The following ZNF461 variants were observed in gnomAD, a reference collection of about 807,000 sequenced individuals.
The protein encoded by ZNF461 is gonadotropin-inducible ovarian transcription factor-1.
Under a neutral mutation model 18.3 loss-of-function variants are expected in ZNF461, and 16 were observed. The observed-to-expected ratio is 0.88, with a 90% CI of 0.59 to 1.33. The LOEUF is 1.33. Among genes scored for constraint, ZNF461 ranks in the 40% most tolerant of loss-of-function variants. ZNF461 has a pLI of 0.00. For synonymous variants in ZNF461, 179 were observed against 216.9 expected, an observed-to-expected ratio of 0.83 and a Z score of 1.54; for missense variants, 595 against 669.9, an observed-to-expected ratio of 0.89 and a Z score of 1.23.
At chr19:36,654,607 A>G (rs1455524432) in intron 4 of ZNF461, among the ~76,000 whole-genome samples, 1 of 152,028 alleles carries the variant, frequency 6.6e-6, no homozygotes, top group Non-Finnish European at 1.5e-5. Flanking sequence ...CCTAGGCTCA[A>G]GCAATCCTTC....
intron 4 of ZNF461, chr19:36,645,335 C>T (rs1446992555): frequency 6.6e-6 from 1 of 151,946 alleles, no homozygotes; most frequent in Admixed American, 6.6e-5. Context: ...AAAGTATTTA[C>T]AACACAAGAA....
At chr19:36,643,117 T>C (rs967572720) in intron 5 of ZNF461, among the ~76,000 whole-genome samples, 5 of 152,084 alleles carry the variant, frequency 3.3e-5, no homozygotes, top group Non-Finnish European at 5.9e-5. Flanking sequence ...TACTTATTTA[T>C]GTACAGATAT....
Position 36,638,513 on chromosome 19 carries a change from C to T in ZNF461, c.*140G>A, listed in dbSNP as rs1249274154. Reference sequence around the variant, plus strand: ...AGCATTAAAATGAGACCAAAATTTACACTTTAGTTATCCACTTTCTCACTT... The same window carrying T: ...AGCATTAAAATGAGACCAAAATTTATACTTTAGTTATCCACTTTCTCACTT... On this transcript the variant is annotated 3_prime_UTR_variant, in exon 6 of 6. Coordinates refer to ENST00000588268, the MANE Select transcript of ZNF461 (RefSeq NM_153257.5). 6.2e-6 allele frequency: 4 copies of T among 645,842 alleles called. No homozygotes were observed. The highest frequency in any genetic ancestry group is 9.9e-6 in the Non-Finnish European group (4 of 405,878). The allele number at this position is 645,842 out of a possible 1,614,324, so 40.0% of individuals were successfully genotyped here. A position where few individuals can be genotyped will look rare whatever the true frequency, so the allele number is the denominator to read the frequency against.
chr19:36,656,123 G>A (rs1163337744), intron 4 of ZNF461, among the ~76,000 whole-genome samples: 4 of 149,382 alleles, frequency 2.7e-5, no homozygotes, highest in Non-Finnish European at 4.4e-5. Context: ...TCAGCCTCCC[G>A]AGTAGCTGGG....
At chr19:36,641,264 A>G (rs1283127947) in intron 5 of ZNF461, among the ~76,000 whole-genome samples, 1 of 152,134 alleles carries the variant, frequency 6.6e-6, no homozygotes, top group Non-Finnish European at 1.5e-5. Context: ...TTATACCTGT[A>G]ATCCCAGAAC....
At chr19:36,656,734 A>G (rs1394915141) in intron 3 of ZNF461, among the ~76,000 whole-genome samples, 191 bp from the exon 4 acceptor site, 1 of 152,214 alleles carries the variant, frequency 6.6e-6, no homozygotes, top group Non-Finnish European at 1.5e-5. Flanking sequence ...CAAAGCAAAC[A>G]AACAGGCGAT....
intron 2 of ZNF461, among the ~76,000 whole-genome samples, chr19:36,664,479 T>C (rs564080394): frequency 1.1e-4 from 16 of 151,908 alleles, no homozygotes; most frequent in Non-Finnish European, 1.9e-4. Flanking sequence ...TCCCAGCTAC[T>C]TGGGAGGCTG....
chr19:36,649,448 A>G (rs2145387156), intron 4 of ZNF461, among the ~76,000 whole-genome samples: 1 of 152,238 alleles, frequency 6.6e-6, no homozygotes, highest in Middle Eastern at 3.4e-3. Context: ...CTCCTGCCTC[A>G]GCTTCCTGAG....
Position 36,664,806 on chromosome 19 carries a change from A to G in ZNF461, c.-80-20T>C. 4 of 914,760 alleles carry G rather than the reference A, an allele frequency of 4.4e-6. No homozygotes were observed. Among genetic ancestry groups the G allele is most frequent in the Non-Finnish European group, 6.3e-6 (4 of 638,958 alleles). 56.7% of individuals were successfully genotyped at this position (914,760 alleles called of 1,614,324 possible). ...GTGTTGCTGGGAGAGAGGGGAGTTA[A>G]AAAAAAGACAGGAGATTATTGCCTC... On this transcript the variant is annotated intron_variant, in intron 1 of 5. Coordinates refer to ENST00000588268, the MANE Select transcript of ZNF461 (RefSeq NM_153257.5).
chr19:36,661,115 A>C (rs1360868481), intron 2 of ZNF461, among the ~76,000 whole-genome samples: 1 of 152,118 alleles, frequency 6.6e-6, no homozygotes, highest in Non-Finnish European at 1.5e-5. Context: ...ATCTCTACAA[A>C]AAAATTTAAA....
At chr19:36,662,158 C>A (rs1038132051) in intron 2 of ZNF461, among the ~76,000 whole-genome samples, 22 of 148,924 alleles carry the variant, frequency 1.5e-4, no homozygotes, top group African/African-American at 5.2e-4. Context: ...CATGAGCCAC[C>A]GAGCCTAGCT....
At chr19:36,663,399 G>T (rs2037849321) in intron 2 of ZNF461, among the ~76,000 whole-genome samples, 1 of 151,866 alleles carries the variant, frequency 6.6e-6, no homozygotes, top group Non-Finnish European at 1.5e-5. Context: ...TCACTCAGGT[G>T]TCTGGGTTTT....
rs2037718442 is a variant in ZNF461 at position 36,656,320 on chromosome 19, T to A, written c.232+128A>T. On this transcript the variant is annotated intron_variant, in intron 4 of 5. Coordinates refer to ENST00000588268, the MANE Select transcript of ZNF461 (RefSeq NM_153257.5). Reference sequence around the variant, plus strand: ...TTATGCCAGTACCACACTGTTTGATTACTATATCTTTGTAATATGTTTTGA... The same window carrying A: ...TTATGCCAGTACCACACTGTTTGATAACTATATCTTTGTAATATGTTTTGA... The A allele has an allele frequency of 5.1e-6, 4 of 786,786 alleles. No individual in the cohort carries two copies. The South Asian group carries it at 5.8e-5, about 11-fold the overall frequency. 48.7% of individuals were successfully genotyped at this position (786,786 alleles called of 1,614,324 possible).
At chr19:36,645,821 G>A (rs1010407014) in intron 4 of ZNF461, among the ~76,000 whole-genome samples, 1 of 152,126 alleles carries the variant, frequency 6.6e-6, no homozygotes. Flanking sequence ...GTCTAGCTCT[G>A]TTTCCCAAGC....
At chr19:36,653,127 A>C (rs2037657989) in intron 4 of ZNF461, among the ~76,000 whole-genome samples, 1 of 152,252 alleles carries the variant, frequency 6.6e-6, no homozygotes, top group African/African-American at 2.4e-5. Flanking sequence ...TCACACATAC[A>C]TTGCCAGTTA....
chr19:36,639,925 A>G lies in ZNF461; in HGVS notation c.420T>C (p.Ile140=), dbSNP rs2037392935. The part of the protein sequence containing the change: ...EFKSHSPERS[I]FSAIWEGNCH... ...AGTTGCCTTCCCAGATAGCGCTGAAAATTGATCTCTCAGGACTATGGCTTT... is the reference window on the plus strand; with the variant it reads ...AGTTGCCTTCCCAGATAGCGCTGAAGATTGATCTCTCAGGACTATGGCTTT... The change falls in exon 6 of 6, where the codon ATT becomes ATC. Residue 140 remains isoleucine, a synonymous_variant. Coordinates refer to ENST00000588268, the MANE Select transcript of ZNF461 (RefSeq NM_153257.5). 1 of 1,613,766 alleles carries G rather than the reference A, an allele frequency of 6.2e-7. No individual in the cohort carries two copies. The highest frequency in any genetic ancestry group is 1.1e-5 in the South Asian group (1 of 91,084).
intron 2 of ZNF461, 56 bp from the exon 3 acceptor site, chr19:36,658,481 G>C: frequency 6.7e-7 from 1 of 1,502,718 alleles, no homozygotes; most frequent in Non-Finnish European, 9.0e-7. Context: ...TTTTTAAAAA[G>C]AAAAGAGAAG....
At chr19:36,646,944 A>G (rs2037539046) in intron 4 of ZNF461, among the ~76,000 whole-genome samples, 1 of 152,204 alleles carries the variant, frequency 6.6e-6, no homozygotes, top group Non-Finnish European at 1.5e-5. Flanking sequence ...CTACATATGC[A>G]AGAGCTCTTG....
intron 5 of ZNF461, among the ~76,000 whole-genome samples, chr19:36,641,745 A>T (rs1217977406): frequency 6.6e-6 from 1 of 152,006 alleles, no homozygotes; most frequent in African/African-American, 2.4e-5. Flanking sequence ...TAATGCCCTT[A>T]AATTTGTAAT....
Sources: gnomAD v4.1 joint callset for allele counts (sites outside exome capture counted in the v4.1 genomes callset) on GRCh38, gnomAD v4.1.1 for gene constraint, MANE v1.5 for transcripts, NCBI Gene and HGNC (gene_info 2026-07-23, HGNC 2026-07-21) for gene names.